AGFG1: variants seen among roughly 807,000 people sequenced by gnomAD.
The protein encoded by AGFG1 is arf-GAP domain and FG repeat-containing protein 1.
AGFG1 carries 10 observed loss-of-function variants against 60.6 expected under a neutral mutation model. The ratio of observed to expected loss-of-function variants is 0.16; its 90% CI spans 0.10 to 0.28. The LOEUF is 0.28. Ranked by LOEUF, AGFG1 falls within the 10% of genes least tolerant of loss-of-function variation. The pLI is 1.00. For missense variants in AGFG1, 537 were observed against 676.5 expected (o/e 0.79, Z 2.29); for synonymous variants, 247 against 242.9 (o/e 1.02, Z -0.16).
rs1230979306 is a variant in AGFG1 at position 227,551,995 on chromosome 2, C to T, written c.1415C>T (p.Thr472Ile). 6.8e-6 allele frequency: 11 copies of T among 1,614,050 alleles called. No individual in the cohort carries two copies. The highest frequency in any genetic ancestry group is 1.1e-5 in the South Asian group (1 of 91,080). The change falls in exon 11 of 13, where the codon ACA (threonine) becomes ATA (isoleucine). Residue 472 changes from threonine to isoleucine, a missense_variant. Around this residue, in one of 4 missense-constraint regions of AGFG1, gnomAD observed 287 missense variants for 343.6 expected, o/e 0.84. Transcript: ENST00000310078. ...GGCACTGCATCCATGAGCATGCCCA[C>T]AGGATTCGGCACTCCTGCTCCCTAC... is the stretch of plus-strand genomic sequence containing the variant. ...TFGTASMSMP[T>I]GFGTPAPYSL...
At chr2:227,549,977 T>A (rs539135195) in intron 10 of AGFG1, 1 of 413,670 alleles carries the variant, frequency 2.4e-6, no homozygotes, top group African/African-American at 2.1e-5. Context: ...TTATAACTTT[T>A]TAATGAAACA....
intron 7 of AGFG1, 83 bp from the exon 8 acceptor site, chr2:227,534,762 C>T: frequency 6.3e-6 from 9 of 1,421,546 alleles, no homozygotes; most frequent in South Asian, 1.3e-5. Flanking sequence ...TTTAAGTTTA[C>T]CTGTGTTTCA....
intron 2 of AGFG1, among the ~76,000 whole-genome samples, chr2:227,507,972 T>A (rs1691376871): frequency 6.6e-6 from 1 of 152,174 alleles, no homozygotes; most frequent in Non-Finnish European, 1.5e-5. Context: ...AAATCTTGTT[T>A]TTACCTAGAA....
At position 227,472,225 on chromosome 2, in the gene AGFG1, C is replaced by T. The variant is rs531613405; in HGVS notation, c.-197C>T. The T allele has an allele frequency of 3.7e-4, 63 of 170,430 alleles. No homozygotes were observed. The South Asian group carries it at 9.4e-3, about 25-fold the overall frequency. 10.6% of individuals were successfully genotyped at this position (170,430 alleles called of 1,614,324 possible). ...TCCCGGCTGTGCCGGTTGGTGTGGCCCGTCAGCCCGCGTACCACAGCGCCC... is the reference window on the plus strand; with the variant it reads ...TCCCGGCTGTGCCGGTTGGTGTGGCTCGTCAGCCCGCGTACCACAGCGCCC... On this transcript the variant is annotated 5_prime_UTR_variant, in exon 1 of 13. Transcript: ENST00000310078.
chr2:227,528,517 T>G (rs1241982731), intron 5 of AGFG1, among the ~76,000 whole-genome samples: 1 of 152,196 alleles, frequency 6.6e-6, no homozygotes, highest in East Asian at 1.9e-4. Context: ...TAAAAAGAGT[T>G]GGTGGGAGAG....
At chr2:227,526,998 A>T (rs1179998531) in intron 5 of AGFG1, among the ~76,000 whole-genome samples, 1 of 152,204 alleles carries the variant, frequency 6.6e-6, no homozygotes, top group East Asian at 1.9e-4. Flanking sequence ...AAGCATGCAA[A>T]CCTTGCAGAG....
intron 1 of AGFG1, among the ~76,000 whole-genome samples, chr2:227,482,136 A>G (rs181413739): frequency 1.3e-5 from 2 of 152,214 alleles, no homozygotes; most frequent in South Asian, 2.1e-4. Flanking sequence ...AAGTGCTGAG[A>G]TTACAGGCGT....
chr2:227,497,884 A>G (rs1691032108), intron 2 of AGFG1, among the ~76,000 whole-genome samples: 4 of 151,424 alleles, frequency 2.6e-5, no homozygotes, highest in Admixed American at 2.0e-4. Context: ...AGCTGGGATT[A>G]CAGGCATGTA....
chr2:227,543,042 T>G (rs1679308453), intron 10 of AGFG1, among the ~76,000 whole-genome samples: 1 of 152,172 alleles, frequency 6.6e-6, no homozygotes, highest in South Asian at 2.1e-4. Flanking sequence ...TTGATTCTTC[T>G]CTCTTTTCTT....
intron 2 of AGFG1, among the ~76,000 whole-genome samples, chr2:227,506,769 C>T (rs1691327665): frequency 6.6e-6 from 1 of 151,986 alleles, no homozygotes; most frequent in Non-Finnish European, 1.5e-5. Flanking sequence ...TTTTTTTATC[C>T]TCTAAGTTTC....
At chr2:227,485,497 A>G (rs1690607432) in intron 1 of AGFG1, among the ~76,000 whole-genome samples, 1 of 151,796 alleles carries the variant, frequency 6.6e-6, no homozygotes, top group Non-Finnish European at 1.5e-5. Context: ...CAGCCTCCCA[A>G]AGTACTGGGA....
intron 2 of AGFG1, among the ~76,000 whole-genome samples, chr2:227,516,531 A>G (rs140213635): frequency 2.8e-4 from 42 of 152,310 alleles, no homozygotes; most frequent in African/African-American, 9.9e-4. Flanking sequence ...TCAAGCAGCT[A>G]TTTTTAATGA....
At chr2:227,540,742 C>G (rs984726848) in intron 10 of AGFG1, among the ~76,000 whole-genome samples, 1 of 152,198 alleles carries the variant, frequency 6.6e-6, no homozygotes, top group African/African-American at 2.4e-5. Context: ...AATGGTATTT[C>G]TAGTTCTAGA....
chr2:227,540,667 T>C (rs1692464572), intron 10 of AGFG1, among the ~76,000 whole-genome samples: 1 of 152,224 alleles, frequency 6.6e-6, no homozygotes, highest in Non-Finnish European at 1.5e-5. Context: ...CGTGTGCATG[T>C]GTCTTTATAG....
At chr2:227,537,500 G>A (rs1692348206) in intron 10 of AGFG1, among the ~76,000 whole-genome samples, 1 of 151,972 alleles carries the variant, frequency 6.6e-6, no homozygotes, top group African/African-American at 2.4e-5. Flanking sequence ...TTTAAGTTGT[G>A]GAAACTTGAT....
intron 10 of AGFG1, among the ~76,000 whole-genome samples, chr2:227,544,684 CTG>C (rs2106235773): frequency 6.6e-6 from 1 of 152,308 alleles, no homozygotes; most frequent in South Asian, 2.1e-4. Context: ...ATTTGCTTGT[CTG>C]TAAAGGATTT....
rs181574139 is a variant in AGFG1, at chr2:227,545,332, C to T, written c.1379-6627C>T. 4.0e-4 allele frequency among the ~76,000 whole-genome samples: 61 copies of T among 152,308 alleles called. 1 individual carries two copies. Among genetic ancestry groups the T allele is most frequent in the Middle Eastern group, 3.4e-3 (1 of 294 alleles). On this transcript the variant is annotated intron_variant, in intron 10 of 12. Transcript: ENST00000310078. ...ATCAGGTCATTTAAGATCTTCCCTA[C>T]GCTGTTTATTTTGGTTTGCCATTCG...
intron 10 of AGFG1, among the ~76,000 whole-genome samples, chr2:227,539,045 C>T (rs376405653): frequency 2.3e-4 from 35 of 152,146 alleles, no homozygotes; most frequent in Middle Eastern, 6.3e-3. Flanking sequence ...TCTATTGAAG[C>T]TGAAATATAA....
intron 10 of AGFG1, among the ~76,000 whole-genome samples, chr2:227,550,451 A>C (rs1439679422): frequency 6.6e-6 from 1 of 151,808 alleles, no homozygotes; most frequent in Non-Finnish European, 1.5e-5. Flanking sequence ...TATTCCATGG[A>C]GTTTGGTTTT....
Sources: gnomAD v4.1 joint callset for allele counts (sites outside exome capture counted in the v4.1 genomes callset) on GRCh38, gnomAD v4.1.1 for gene constraint, gnomAD v4.1.1 regional missense constraint, MANE v1.5 for transcripts, NCBI Gene and HGNC (gene_info 2026-07-23, HGNC 2026-07-21) for gene names.